The following CLNK variants were observed in gnomAD, a reference collection of about 807,000 sequenced individuals.
The protein encoded by CLNK is cytokine dependent hematopoietic cell linker.
A neutral mutation model predicts 68.6 loss-of-function variants in CLNK; 74 were observed. The ratio of observed to expected loss-of-function variants is 1.08; its 90% CI spans 0.89 to 1.31. The LOEUF (loss-of-function observed/expected upper bound fraction) is 1.31. CLNK is among the 50% of genes most tolerant of loss of function. CLNK has a pLI of 0.00. For missense variants in CLNK, 553 were observed against 515.3 expected (o/e 1.07, Z -0.71); for synonymous variants, 198 against 172.2 (o/e 1.15, Z -1.17).
Position 10,622,655 on chromosome 4 carries a change from G to T in CLNK, c.12-24606C>A, listed in dbSNP as rs545392076. 3.9e-5 allele frequency among the ~76,000 whole-genome samples: 6 copies of T among 152,288 alleles called. No individual in the cohort carries two copies. The South Asian group carries it at 1.2e-3, about 32-fold the overall frequency. On this transcript the variant is annotated intron_variant, in intron 2 of 18. Transcript: ENST00000226951. ...TGGTGGAAGGAACAACAGTACAAAT[G>T]CATACCAAATTCATACTATGAAATT...
chr4:10,674,848 A>T (rs993300654), intron 1 of CLNK, among the ~76,000 whole-genome samples: 1 of 152,164 alleles, frequency 6.6e-6, no homozygotes, highest in Non-Finnish European at 1.5e-5. Flanking sequence ...GAGTAAGAAC[A>T]TGTGGTGTTT....
At chr4:10,596,359 A>G (rs568009308) in intron 3 of CLNK, among the ~76,000 whole-genome samples, 5 of 152,308 alleles carry the variant, frequency 3.3e-5, no homozygotes, top group African/African-American at 1.2e-4. Context: ...GAGGTGTTGG[A>G]ATGGAAAAAG....
At chr4:10,511,434 T>C (rs534095750) in intron 16 of CLNK, among the ~76,000 whole-genome samples, 71 of 152,364 alleles carry the variant, frequency 4.7e-4, no homozygotes, top group African/African-American at 1.7e-3. Flanking sequence ...TTCACATTGC[T>C]TTACAGCCAT....
At chr4:10,722,725 A>G in the CLNK span, among the ~76,000 whole-genome samples, 2 of 152,196 alleles carry the variant, frequency 1.3e-5, no homozygotes, top group Non-Finnish European at 2.9e-5. Context: ...ACAGCTCAAG[A>G]GCACCATTAC....
chr4:10,668,605 G>A (rs984958920), intron 1 of CLNK, among the ~76,000 whole-genome samples: 8 of 152,172 alleles, frequency 5.3e-5, no homozygotes, highest in Non-Finnish European at 1.2e-4. Flanking sequence ...TGTGGGCAGG[G>A]TAGAAGGAAT....
intron 8 of CLNK, among the ~76,000 whole-genome samples, chr4:10,548,293 G>C (rs1306164374): frequency 6.6e-6 from 1 of 152,082 alleles, no homozygotes; most frequent in Non-Finnish European, 1.5e-5. Context: ...TTGGCTACCT[G>C]TATTTCCTCC....
At chr4:10,666,044 C>T (rs1419776001) in intron 2 of CLNK, among the ~76,000 whole-genome samples, 2 of 152,018 alleles carry the variant, frequency 1.3e-5, no homozygotes, top group Non-Finnish European at 2.9e-5. Flanking sequence ...AAAATATGGC[C>T]AGAGAGGAGA....
intron 3 of CLNK, among the ~76,000 whole-genome samples, chr4:10,587,255 T>C (rs1721003417): frequency 6.6e-6 from 1 of 152,196 alleles, no homozygotes; most frequent in Non-Finnish European, 1.5e-5. Context: ...TGTGAGCCAC[T>C]GTGCCTGGCC....
the CLNK span, among the ~76,000 whole-genome samples, chr4:10,690,019 G>C: frequency 6.6e-6 from 1 of 152,056 alleles, no homozygotes; most frequent in East Asian, 1.9e-4. Flanking sequence ...CTCCATGTGA[G>C]CTGAAGTCAT....
At chr4:10,695,866 T>A in the CLNK span, among the ~76,000 whole-genome samples, 1 of 152,046 alleles carries the variant, frequency 6.6e-6, no homozygotes. Context: ...TAGAGCTTTT[T>A]TTTTTTTTTG....
intron 13 of CLNK, among the ~76,000 whole-genome samples, chr4:10,527,370 A>C (rs146099904): frequency 3.3e-5 from 5 of 152,236 alleles, no homozygotes; most frequent in African/African-American, 1.2e-4. Flanking sequence ...TATGCAGAGA[A>C]GAGCAGACCT....
At chr4:10,690,178 C>A in the CLNK span, among the ~76,000 whole-genome samples, 92 of 152,218 alleles carry the variant, frequency 6.0e-4, no homozygotes, top group African/African-American at 2.2e-3. Context: ...CTGGTCAAGT[C>A]CGGGAACTAT....
At chr4:10,677,451 G>A (rs1476685631) in intron 1 of CLNK, among the ~76,000 whole-genome samples, 4 of 152,112 alleles carry the variant, frequency 2.6e-5, no homozygotes, top group African/African-American at 7.2e-5. Flanking sequence ...CTGGAAAAGA[G>A]TAATACAACT....
At chr4:10,727,060 G>A in the CLNK span, among the ~76,000 whole-genome samples, 3 of 152,120 alleles carry the variant, frequency 2.0e-5, no homozygotes, top group African/African-American at 7.2e-5. Context: ...TTTATGTAGT[G>A]GTCAGTGCAG....
chr4:10,625,704 A>T (rs918889702), intron 2 of CLNK, among the ~76,000 whole-genome samples: 1 of 152,158 alleles, frequency 6.6e-6, no homozygotes, highest in African/African-American at 2.4e-5. Flanking sequence ...ACAGGCAGAG[A>T]TAGAGAGAGG....
intron 8 of CLNK, among the ~76,000 whole-genome samples, chr4:10,553,938 G>T (rs2108815928): frequency 6.6e-6 from 1 of 152,266 alleles, no homozygotes; most frequent in East Asian, 1.9e-4. Flanking sequence ...TTAAAGGTAG[G>T]GTGTGCTTCC....
intron 16 of CLNK, among the ~76,000 whole-genome samples, chr4:10,511,159 CA>C (rs1166569713): frequency 6.7e-6 from 1 of 149,096 alleles, no homozygotes; most frequent in East Asian, 2.0e-4. Context: ...AACTCTGTCT[CA>C]AAAAAAATTA....
intron 1 of CLNK, among the ~76,000 whole-genome samples, chr4:10,676,968 T>G (rs1724899603): frequency 7.5e-6 from 1 of 133,076 alleles, no homozygotes; most frequent in Admixed American, 9.3e-5. Context: ...AGTTTACCTC[T>G]GTCTCGCCCC....
chr4:10,673,834 C>T (rs1257836268), intron 1 of CLNK, among the ~76,000 whole-genome samples: 1 of 151,572 alleles, frequency 6.6e-6, no homozygotes, highest in Non-Finnish European at 1.5e-5. Context: ...GGTCTTACTT[C>T]AAGATCTGAC....
Sources: allele counts gnomAD v4.1 joint callset (sites outside exome capture counted in the v4.1 genomes callset), GRCh38; gene constraint gnomAD v4.1.1; transcripts MANE v1.5; gene names NCBI Gene and HGNC (gene_info 2026-07-23, HGNC 2026-07-21).